LARP4B: variants seen among roughly 807,000 people sequenced by gnomAD.
LARP4B encodes La ribonucleoprotein 4B, also known as la-related protein 4B.
LARP4B carries 12 observed loss-of-function variants against 89.8 expected under a neutral mutation model. The ratio of observed to expected loss-of-function variants is 0.13; its 90% CI spans 0.09 to 0.22. The LOEUF (loss-of-function observed/expected upper bound fraction) is 0.22, where lower values mean the gene tolerates loss of function less well. Among genes scored for constraint, LARP4B ranks in the 10% least tolerant of loss-of-function variants. LARP4B has a pLI of 1.00. For missense variants in LARP4B, 757 were observed against 947.7 expected, an observed-to-expected ratio of 0.80 and a Z score of 2.64; for synonymous variants, 367 against 363.3, an observed-to-expected ratio of 1.01 and a Z score of -0.12.
intron 12 of LARP4B, 102 bp from the exon 13 acceptor site, chr10:825,418 T>TG: frequency 8.9e-7 from 1 of 1,124,202 alleles, no homozygotes; most frequent in Non-Finnish European, 1.3e-6. Context: ...CTGCTCTCTG[T>TG]TTAATAAAGT....
At chr10:826,540 T>A (rs768641712) in intron 11 of LARP4B, among the ~76,000 whole-genome samples, 18 of 152,238 alleles carry the variant, frequency 1.2e-4, no homozygotes, top group Non-Finnish European at 2.6e-4. Flanking sequence ...CAACTATTTT[T>A]AAAATCTAGA....
chr10:924,098 C>T (rs1837067090), intron 1 of LARP4B, among the ~76,000 whole-genome samples: 1 of 151,834 alleles, frequency 6.6e-6, no homozygotes, highest in African/African-American at 2.4e-5. Flanking sequence ...TTTTAATTAG[C>T]CAGGTGTGGT....
chr10:914,718 C>T (rs970612594), intron 1 of LARP4B, among the ~76,000 whole-genome samples: 21 of 147,006 alleles, frequency 1.4e-4, no homozygotes, highest in Non-Finnish European at 2.5e-4. Context: ...TTGCTTGAAC[C>T]GAGACCCGGG....
the LARP4B span, among the ~76,000 whole-genome samples, chr10:947,504 G>C: frequency 6.6e-6 from 1 of 152,206 alleles, no homozygotes; most frequent in African/African-American, 2.4e-5. Context: ...AAAATGTTCT[G>C]TGGCCCTGGA....
intron 8 of LARP4B, among the ~76,000 whole-genome samples, chr10:833,580 G>T (rs1267955008): frequency 6.6e-6 from 1 of 152,144 alleles, no homozygotes; most frequent in Admixed American, 6.5e-5. Flanking sequence ...ATGTAGATGG[G>T]CTACACTCCC....
chr10:957,990 T>C, the LARP4B span, among the ~76,000 whole-genome samples: 4 of 151,896 alleles, frequency 2.6e-5, no homozygotes, highest in Non-Finnish European at 5.9e-5. Context: ...AGAGATGGGG[T>C]TTCGCCATGT....
intron 11 of LARP4B, among the ~76,000 whole-genome samples, chr10:826,684 G>T (rs1371351225): frequency 6.6e-6 from 1 of 152,122 alleles, no homozygotes; most frequent in Non-Finnish European, 1.5e-5. Flanking sequence ...CTGCATCACT[G>T]ATATCTCGCT....
Position 829,729 on chromosome 10 carries a change from G to A in LARP4B, c.867C>T (p.Tyr289=), listed in dbSNP as rs1482706342. 6.2e-7 allele frequency: 1 copy of A among 1,611,586 alleles called. No homozygotes were observed. The highest frequency in any genetic ancestry group is 1.7e-5 in the Admixed American group (1 of 59,996). ...TTTTGACTTCTTCTCGAAGGTATTT[G>A]TAAGCCTAAGGGCAAAATTAAGTAC... ...FETEADAQQA[Y]KYLREEVKTF... The change falls in exon 10 of 18, where the codon TAC becomes TAT. Residue 289 remains tyrosine, a synonymous_variant. Transcript: ENST00000316157.
At chr10:930,799 A>G (rs1169252020) in intron 1 of LARP4B, among the ~76,000 whole-genome samples, 1 of 152,050 alleles carries the variant, frequency 6.6e-6, no homozygotes, top group African/African-American at 2.4e-5. Flanking sequence ...CAGGATCCCA[A>G]CTTCCTGGTT....
At position 842,726 on chromosome 10, in the gene LARP4B, A is replaced by G. The variant is rs548187722; in HGVS notation, c.646+206T>C. Among the ~76,000 whole-genome samples the G allele has an allele frequency of 6.6e-5, 10 of 152,326 alleles. No individual in the cohort carries two copies. The East Asian group carries it at 1.7e-3, about 26-fold the overall frequency. Reference sequence around the variant, plus strand: ...TGTCCCAAAACTTGTTTGAGGTTTCATAACGGGTTCAACTGGCATTCCCAG... The same window carrying G: ...TGTCCCAAAACTTGTTTGAGGTTTCGTAACGGGTTCAACTGGCATTCCCAG... On this transcript the variant is annotated intron_variant, in intron 7 of 17. Transcript: ENST00000316157.
intron 1 of LARP4B, among the ~76,000 whole-genome samples, chr10:914,876 G>A (rs940706390): frequency 1.4e-5 from 2 of 140,072 alleles, no homozygotes; most frequent in Admixed American, 8.0e-5. Flanking sequence ...AAAGGCTTCA[G>A]CAAGTTGTAG....
upstream of LARP4B, chr10:933,112 C>G (rs1830700915): frequency 6.6e-6 from 1 of 152,182 alleles, no homozygotes; most frequent in Non-Finnish European, 1.5e-5. Flanking sequence ...GGAAACCAAA[C>G]AAAGTATGTT....
chr10:818,517 C>A (rs950946867), intron 14 of LARP4B: 3 of 152,186 alleles, frequency 2.0e-5, no homozygotes, highest in Non-Finnish European at 2.9e-5. Flanking sequence ...TAATCAGATT[C>A]TTTGACTTCC....
intron 5 of LARP4B, 61 bp downstream of exon 5, chr10:863,682 A>G (rs1834744357): frequency 6.8e-7 from 1 of 1,464,208 alleles, no homozygotes; most frequent in South Asian, 1.4e-5. Context: ...TACTCTAAAT[A>G]AAAAAAATAA....
intron 7 of LARP4B, among the ~76,000 whole-genome samples, chr10:841,215 T>C (rs1168423705): frequency 6.6e-6 from 1 of 152,232 alleles, no homozygotes. Context: ...ATGAGAACTT[T>C]GCTCCTGCGG....
At chr10:900,713 G>A (rs758808495) in intron 1 of LARP4B, among the ~76,000 whole-genome samples, 8 of 147,174 alleles carry the variant, frequency 5.4e-5, no homozygotes, top group Admixed American at 1.4e-4. Context: ...CCTGCCTCCC[G>A]AGTTCAAGCG....
the LARP4B span, among the ~76,000 whole-genome samples, chr10:970,925 G>A: frequency 6.6e-6 from 1 of 152,278 alleles, no homozygotes; most frequent in East Asian, 1.9e-4. Context: ...GGCTCCAAGC[G>A]GTGGCCTTGG....
chr10:852,839 G>A (rs1284372361), intron 5 of LARP4B, among the ~76,000 whole-genome samples: 3 of 152,024 alleles, frequency 2.0e-5, no homozygotes, highest in Non-Finnish European at 4.4e-5. Flanking sequence ...ACAAACAACT[G>A]CAAATACAAA....
downstream of LARP4B, chr10:807,825 T>C (rs997737187): frequency 2.0e-5 from 3 of 152,364 alleles, no homozygotes; most frequent in African/African-American, 7.2e-5. Context: ...GGCTGTGCCC[T>C]TCCTTCCTGG....
Sources: gnomAD v4.1 joint callset for allele counts (sites outside exome capture counted in the v4.1 genomes callset) on GRCh38, gnomAD v4.1.1 for gene constraint, MANE v1.5 for transcripts, NCBI Gene and HGNC (gene_info 2026-07-23, HGNC 2026-07-21) for gene names.